Variants in EDAR observed in about 807,000 individuals in gnomAD.
The protein encoded by EDAR is ectodysplasin A receptor.
A neutral mutation model predicts 51.3 loss-of-function variants in EDAR; 38 were observed. That is an observed-to-expected ratio of 0.74 (90% CI 0.57 to 0.97). The LOEUF (loss-of-function observed/expected upper bound fraction) is 0.97, where lower values mean the gene tolerates loss of function less well. EDAR is among the 50% of genes least tolerant of loss of function. The pLI is 0.00. For missense variants in EDAR, 528 were observed against 595.0 expected (o/e 0.89, Z 1.17); for synonymous variants, 227 against 242.1 (o/e 0.94, Z 0.58).
At chr2:108,972,663 A>G (rs1488173180) in intron 1 of EDAR, among the ~76,000 whole-genome samples, 1 of 152,238 alleles carries the variant, frequency 6.6e-6, no homozygotes, top group Non-Finnish European at 1.5e-5. Context: ...CCTTGTAGCT[A>G]TGGCTGTGAT....
chr2:108,910,386 G>A, intron 9 of EDAR, 74 bp downstream of exon 9: 1 of 1,243,394 alleles, frequency 8.0e-7, no homozygotes, highest in Non-Finnish European at 1.2e-6. Flanking sequence ...TCACTCGGCT[G>A]CACCCTGGTT....
intron 11 of EDAR, among the ~76,000 whole-genome samples, chr2:108,905,998 G>C (rs1696795484): frequency 6.8e-6 from 1 of 146,006 alleles, no homozygotes; most frequent in Admixed American, 6.6e-5. Context: ...TGGGGACACG[G>C]GAGGTCTGAG....
In EDAR at chr2:108,945,846, C is replaced by G. The variant is rs569980469; in HGVS notation, c.-18-14814G>C. On this transcript the variant is annotated intron_variant, in intron 1 of 11. Coordinates refer to ENST00000258443, the MANE Select transcript of EDAR (RefSeq NM_022336.4). Reference sequence around the variant, plus strand: ...TCATGTGATCCCACTTGTATGAGGTCCCCAGAGTAGTCAGATTCACAGAGA... The same window carrying G: ...TCATGTGATCCCACTTGTATGAGGTGCCCAGAGTAGTCAGATTCACAGAGA... Among the ~76,000 whole-genome samples, 3 of 152,258 alleles carry G rather than the reference C, an allele frequency of 2.0e-5. No homozygotes were observed. In the East Asian group the frequency reaches 5.8e-4, roughly 29 times the overall value.
intron 1 of EDAR, among the ~76,000 whole-genome samples, chr2:108,937,115 G>A (rs1276009034): frequency 6.6e-6 from 1 of 152,250 alleles, no homozygotes; most frequent in Non-Finnish European, 1.5e-5. Context: ...GGGTGACGCT[G>A]AAACAGAAGT....
chr2:108,969,891 A>C (rs933892948), intron 1 of EDAR, among the ~76,000 whole-genome samples: 5 of 152,236 alleles, frequency 3.3e-5, no homozygotes, highest in Non-Finnish European at 5.9e-5. Flanking sequence ...ACTGAGTTAG[A>C]GAAGGCTTCA....
Position 108,954,853 on chromosome 2 carries a change from C to T in EDAR, c.-18-23821G>A, listed in dbSNP as rs114456411. 8.5e-3 allele frequency among the ~76,000 whole-genome samples: 1,289 copies of T among 151,994 alleles called. 8 individuals are homozygous for T. Among genetic ancestry groups the T allele is most frequent in the South Asian group, 0.029 (137 of 4,792 alleles). ...ACCATGGCCGGCTAATTTTTGTATA[C>T]ATGTATTTTTAATTGAGACGGGATT... On this transcript the variant is annotated intron_variant, in intron 1 of 11. Coordinates refer to ENST00000258443, the MANE Select transcript of EDAR (RefSeq NM_022336.4).
chr2:108,922,516 C>T lies in EDAR; in HGVS notation c.442+852G>A, dbSNP rs1176044037. On this transcript the variant is annotated intron_variant, in intron 5 of 11. Coordinates refer to ENST00000258443, the MANE Select transcript of EDAR (RefSeq NM_022336.4). ...GACCAAAAGGAGAGAGGAGATGCTG[C>T]GCCCCATTCCTGCTCCTCCCCTTCT... Among the ~76,000 whole-genome samples the T allele has an allele frequency of 9.2e-5, 14 of 152,230 alleles. No individual in the cohort carries two copies. The South Asian group carries it at 2.5e-3, about 27-fold the overall frequency.
chr2:108,940,551 C>G (rs760036631), intron 1 of EDAR, among the ~76,000 whole-genome samples: 1 of 152,240 alleles, frequency 6.6e-6, no homozygotes, highest in Non-Finnish European at 1.5e-5. Flanking sequence ...AGCCCCAGAT[C>G]GGGCGGAGGT....
rs121908450 is a variant in EDAR at position 108,929,288 on chromosome 2, C to T, written c.266G>A (p.Arg89His). ...GAAGAAGCCCTCACAGTCTTTGTGACGCCTGCATATCTGGTAGCCTCCTTT... is the reference window on the plus strand; with the variant it reads ...GAAGAAGCCCTCACAGTCTTTGTGATGCCTGCATATCTGGTAGCCTCCTTT... Reference protein sequence around the residue: ...FSKGGYQICRRHKDCEGFFRA... With the variant: ...FSKGGYQICRHHKDCEGFFRA... The change falls in exon 4 of 12, where the codon CGT becomes CAT. Residue 89 changes from arginine to histidine, a missense_variant. Physicochemically the swap from Arg to His is conservative, Grantham distance 29. Coordinates refer to ENST00000258443, the MANE Select transcript of EDAR (RefSeq NM_022336.4). The T allele has an allele frequency of 1.6e-5, 26 of 1,614,084 alleles. No individual in the cohort carries two copies. Among genetic ancestry groups the T allele is most frequent in the African/African-American group, 4.0e-5 (3 of 74,946 alleles).
intron 1 of EDAR, among the ~76,000 whole-genome samples, chr2:108,979,430 C>CTT (rs66495643): frequency 2.0e-5 from 3 of 148,260 alleles, no homozygotes; most frequent in Non-Finnish European, 4.4e-5. Flanking sequence ...CTGTCTCTCT[C>CTT]TCTCTTTCTC....
chr2:108,954,678 CTT>C (rs796351382), intron 1 of EDAR, among the ~76,000 whole-genome samples: 1 of 146,838 alleles, frequency 6.8e-6, no homozygotes. Flanking sequence ...GGAAGATAAT[CTT>C]TTTTTTTTTT....
chr2:108,897,239 C>CCAAT lies in EDAR; in HGVS notation c.1025-14_1025-11dup. The stretch of plus-strand genomic sequence containing the variant: ...TCCGTGGGGCTAAGACCTACAGACA[C>CCAAT]CAATGGCCACAGTTAGATGTTGCAA... On this transcript the variant is annotated splice_polypyrimidine_tract_variant and intron_variant, in intron 11 of 11. Transcript: ENST00000258443. 4.3e-6 allele frequency: 7 copies of CCAAT among 1,611,440 alleles called. No homozygotes were observed. Among genetic ancestry groups the CCAAT allele is most frequent in the Non-Finnish European group, 5.9e-6 (7 of 1,178,062 alleles).
intron 1 of EDAR, chr2:108,940,193 G>C (rs915221177): frequency 6.6e-6 from 1 of 152,308 alleles, no homozygotes. Context: ...AGGCGGTAAA[G>C]ATGACTGCCA....
intron 8 of EDAR, 107 bp downstream of exon 8, chr2:108,910,668 TG>T: frequency 7.0e-7 from 1 of 1,435,658 alleles, no homozygotes; most frequent in Non-Finnish European, 9.8e-7. Context: ...AAGCACAGTA[TG>T]GTTCAGCATG....
At chr2:108,977,404 GAC>G (rs1698341759) in intron 1 of EDAR, among the ~76,000 whole-genome samples, 1 of 152,178 alleles carries the variant, frequency 6.6e-6, no homozygotes, top group Non-Finnish European at 1.5e-5. Context: ...AAGTAGCTGG[GAC>G]TACAGGCACC....
chr2:108,976,050 T>A (rs1216118710), intron 1 of EDAR, among the ~76,000 whole-genome samples: 1 of 152,232 alleles, frequency 6.6e-6, no homozygotes, highest in East Asian at 1.9e-4. Context: ...TCATCCCTGA[T>A]GAACAAATAC....
At chr2:108,968,219 C>T (rs191536622) in intron 1 of EDAR, among the ~76,000 whole-genome samples, 1 of 152,154 alleles carries the variant, frequency 6.6e-6, no homozygotes, top group Non-Finnish European at 1.5e-5. Flanking sequence ...TCAGCATCGC[C>T]AGAGAGCCTG....
chr2:108,901,662 C>A (rs963142248), intron 11 of EDAR, among the ~76,000 whole-genome samples: 2 of 152,134 alleles, frequency 1.3e-5, no homozygotes, highest in African/African-American at 4.8e-5. Flanking sequence ...TAAGATAAAA[C>A]TTGCAACTTT....
At chr2:108,963,291 A>G (rs1698088747) in intron 1 of EDAR, among the ~76,000 whole-genome samples, 1 of 152,192 alleles carries the variant, frequency 6.6e-6, no homozygotes, top group African/African-American at 2.4e-5. Context: ...ACACTGTTAA[A>G]CTGTTCATAG....
Sources: allele counts gnomAD v4.1 joint callset (sites outside exome capture counted in the v4.1 genomes callset), GRCh38; gene constraint gnomAD v4.1.1; transcripts MANE v1.5; gene names NCBI Gene and HGNC (gene_info 2026-07-23, HGNC 2026-07-21).